Variants in OCA2 observed in about 807,000 individuals in gnomAD.
OCA2 encodes the protein OCA2 melanosomal transmembrane protein.
A neutral mutation model predicts 100.2 loss-of-function variants in OCA2; 77 were observed. The observed-to-expected ratio is 0.77, with a 90% CI of 0.64 to 0.93. The LOEUF (loss-of-function observed/expected upper bound fraction) is 0.93, where lower values mean the gene tolerates loss of function less well. Among genes scored for constraint, OCA2 ranks in the 40% least tolerant of loss-of-function variants. OCA2 has a pLI of 0.00. For missense variants in OCA2, 1,062 were observed against 1,089.1 expected (o/e 0.98, Z 0.35); for synonymous variants, 432 against 439.2 (o/e 0.98, Z 0.21).
intron 6 of OCA2, 144 bp downstream of exon 6, chr15:28,022,357 C>T (rs1227192039): frequency 1.4e-6 from 1 of 697,608 alleles, no homozygotes; most frequent in East Asian, 2.7e-5. Context: ...CTCCATCTCT[C>T]ATCAGACATC....
intron 19 of OCA2, chr15:27,896,126 T>C (rs2037678115): frequency 8.6e-6 from 9 of 1,043,834 alleles, no homozygotes; most frequent in South Asian, 6.3e-5. Flanking sequence ...TTACCTGCTA[T>C]ATGGATGCAG....
intron 23 of OCA2, among the ~76,000 whole-genome samples, chr15:27,788,969 C>T (rs1174536075): frequency 6.6e-6 from 1 of 152,078 alleles, no homozygotes. Context: ...TTCATTAAAA[C>T]CTAGAGATTC....
At chr15:27,925,733 G>C (rs913666188) in intron 19 of OCA2, among the ~76,000 whole-genome samples, 2 of 152,174 alleles carry the variant, frequency 1.3e-5, no homozygotes, top group African/African-American at 2.4e-5. Context: ...TACTGATGTA[G>C]TCTTTTCCGT....
At chr15:27,811,374 G>A (rs1321463147) in intron 23 of OCA2, among the ~76,000 whole-genome samples, 1 of 152,120 alleles carries the variant, frequency 6.6e-6, no homozygotes. Context: ...GGAAGGGTGA[G>A]AGGGAGGTGT....
chr15:27,799,597 T>C (rs1269931892), intron 23 of OCA2, among the ~76,000 whole-genome samples: 1 of 151,838 alleles, frequency 6.6e-6, no homozygotes, highest in Non-Finnish European at 1.5e-5. Flanking sequence ...ATACAAAAAT[T>C]AGCTGGGCGT....
intron 9 of OCA2, among the ~76,000 whole-genome samples, chr15:28,011,913 T>C (rs2042251682): frequency 6.9e-6 from 1 of 145,912 alleles, no homozygotes; most frequent in African/African-American, 2.6e-5. Flanking sequence ...GGAGACTCCA[T>C]CTCAAAAAAG....
At chr15:27,915,112 G>A (rs1318081095) in intron 19 of OCA2, among the ~76,000 whole-genome samples, 3 of 152,054 alleles carry the variant, frequency 2.0e-5, no homozygotes. Flanking sequence ...AATGGGGAAA[G>A]GACTCCCCGT....
chr15:28,058,010 A>C (rs1007319248), intron 2 of OCA2, among the ~76,000 whole-genome samples: 1 of 152,114 alleles, frequency 6.6e-6, no homozygotes, highest in Non-Finnish European at 1.5e-5. Context: ...GTGAGGACCC[A>C]CCCAGAGCTG....
chr15:27,962,610 G>A (rs1186653197), intron 15 of OCA2, among the ~76,000 whole-genome samples: 6 of 152,112 alleles, frequency 3.9e-5, no homozygotes, highest in Admixed American at 6.5e-5. Flanking sequence ...GTATAATATC[G>A]CTCAAAGTTA....
intron 2 of OCA2, among the ~76,000 whole-genome samples, chr15:28,036,801 G>A (rs185772596): frequency 5.3e-5 from 8 of 152,298 alleles, no homozygotes; most frequent in Admixed American, 3.3e-4. Context: ...AGTGGTTAGT[G>A]CAAATGACAG....
intron 2 of OCA2, among the ~76,000 whole-genome samples, chr15:28,072,154 T>G (rs1383277039): frequency 1.3e-5 from 2 of 151,868 alleles, no homozygotes; most frequent in African/African-American, 4.8e-5. Context: ...GATCACCAGG[T>G]CAGGAGGTGG....
At chr15:27,873,972 T>C (rs1347012109) in intron 19 of OCA2, among the ~76,000 whole-genome samples, 1 of 152,194 alleles carries the variant, frequency 6.6e-6, no homozygotes, top group Non-Finnish European at 1.5e-5. Context: ...AGTGAAAAGA[T>C]GATTGTGTGG....
In OCA2 at chr15:28,026,533, G is replaced by C. The variant is rs556987360; in HGVS notation, c.515+1338C>G. On this transcript the variant is annotated intron_variant, in intron 4 of 23. Transcript: ENST00000354638. Reference sequence around the variant, plus strand: ...CATCAGGAAGAAGCTACAGGCCGTTGAGAGTCACAGTGGGAAGAGACAGCT... The same window carrying C: ...CATCAGGAAGAAGCTACAGGCCGTTCAGAGTCACAGTGGGAAGAGACAGCT... 4.5e-4 allele frequency among the ~76,000 whole-genome samples: 69 copies of C among 152,330 alleles called. 2 individuals are homozygous for C. In the South Asian group the frequency reaches 0.014, roughly 31 times the overall value.
At chr15:27,900,487 A>C (rs1350535964) in intron 19 of OCA2, among the ~76,000 whole-genome samples, 1 of 152,060 alleles carries the variant, frequency 6.6e-6, no homozygotes, top group Non-Finnish European at 1.5e-5. Context: ...CCTAACTTTC[A>C]AAGTATTCTT....
intron 19 of OCA2, among the ~76,000 whole-genome samples, chr15:27,878,784 C>G (rs2036891931): frequency 6.6e-6 from 1 of 152,054 alleles, no homozygotes; most frequent in Non-Finnish European, 1.5e-5. Context: ...CTTCAAATAT[C>G]TTTTTCTCTT....
chr15:27,849,371 G>T (rs1256424949), intron 22 of OCA2, among the ~76,000 whole-genome samples: 1 of 152,320 alleles, frequency 6.6e-6, no homozygotes, highest in African/African-American at 2.4e-5. Context: ...CTTCCCACAG[G>T]TTTTCTGCCT....
chr15:27,763,979 C>T (rs755825206), intron 23 of OCA2, among the ~76,000 whole-genome samples: 2 of 152,012 alleles, frequency 1.3e-5, no homozygotes, highest in Non-Finnish European at 2.9e-5. Flanking sequence ...ACACAGGTTC[C>T]AACCCAGCCA....
chr15:27,859,055 T>C (rs2036039686), intron 21 of OCA2, among the ~76,000 whole-genome samples: 1 of 152,038 alleles, frequency 6.6e-6, no homozygotes, highest in African/African-American at 2.4e-5. Context: ...CAGCTATAAA[T>C]GCATATATTA....
At chr15:27,885,350 A>G (rs1458161071) in intron 19 of OCA2, among the ~76,000 whole-genome samples, 1 of 152,188 alleles carries the variant, frequency 6.6e-6, no homozygotes, top group Non-Finnish European at 1.5e-5. Context: ...TCCCACTGGC[A>G]GAGACACAAA....
Sources: allele counts gnomAD v4.1 joint callset (sites outside exome capture counted in the v4.1 genomes callset), GRCh38; gene constraint gnomAD v4.1.1; transcripts MANE v1.5; gene names NCBI Gene and HGNC (gene_info 2026-07-23, HGNC 2026-07-21).